Variants in WSCD2 observed in about 807,000 individuals in gnomAD.
WSCD2 encodes the protein sialate:O-sulfotransferase 2.
WSCD2 carries 28 observed loss-of-function variants against 55.7 expected under a neutral mutation model. That is an observed-to-expected ratio of 0.50 (90% CI 0.37 to 0.69). WSCD2 has a LOEUF of 0.69. Ranked by LOEUF, WSCD2 falls within the 30% of genes least tolerant of loss-of-function variation. The pLI, the probability that WSCD2 is intolerant of heterozygous loss-of-function variation, is 0.00. For synonymous variants in WSCD2, 301 were observed against 301.9 expected (o/e 1.00, Z 0.03); for missense variants, 616 against 762.1 (o/e 0.81, Z 2.26).
intron 1 of WSCD2, among the ~76,000 whole-genome samples, chr12:108,144,257 T>C (rs953560262): frequency 2.0e-5 from 3 of 152,308 alleles, no homozygotes; most frequent in Middle Eastern, 3.4e-3. Flanking sequence ...ACCGGCCCAT[T>C]GTTCTACAAA....
In WSCD2 at chr12:108,195,897, T is replaced by C. The variant is rs1883851449; in HGVS notation, c.65T>C (p.Phe22Ser). ...FRRKPVRFFT[F>S]LALYLTAGSL... ...CGGAAACCTGTGCGCTTCTTTACCT[T>C]CCTGGCACTCTACCTGACTGCTGGG... is the stretch of plus-strand genomic sequence containing the variant. Residue 22 changes from phenylalanine (F) to serine (S), a missense_variant, in exon 2 of 9, where the codon TTC becomes TCC. By Grantham distance (155) the Phe-to-Ser change is radical. Coordinates refer to ENST00000547525, the MANE Select transcript of WSCD2 (RefSeq NM_014653.4). The C allele has an allele frequency of 6.2e-7, 1 of 1,613,996 alleles. No homozygotes were observed. Among genetic ancestry groups the C allele is most frequent in the Non-Finnish European group, 8.5e-7 (1 of 1,180,028 alleles).
intron 1 of WSCD2, among the ~76,000 whole-genome samples, chr12:108,193,350 G>T (rs12297864): frequency 0.043 from 6,591 of 152,278 alleles, 492 homozygotes; most frequent in African/African-American, 0.15. Context: ...TGAAAGCAGG[G>T]ACTGTGAATT....
At chr12:108,240,856 A>G (rs1439710136) in intron 8 of WSCD2, among the ~76,000 whole-genome samples, 1 of 152,232 alleles carries the variant, frequency 6.6e-6, no homozygotes, top group Non-Finnish European at 1.5e-5. Context: ...ACCACCTCCC[A>G]TAAGGGCTCA....
intron 2 of WSCD2, among the ~76,000 whole-genome samples, chr12:108,201,352 A>G (rs1884650048): frequency 6.6e-6 from 1 of 152,096 alleles, no homozygotes; most frequent in Non-Finnish European, 1.5e-5. Context: ...GTGTCTTCAT[A>G]TAGCCATCTT....
chr12:108,215,045 G>A (rs777384825), intron 4 of WSCD2, among the ~76,000 whole-genome samples: 1 of 152,222 alleles, frequency 6.6e-6, no homozygotes, highest in Non-Finnish European at 1.5e-5. Context: ...TTCCTTCTTT[G>A]CTAGACCTGG....
intron 3 of WSCD2, among the ~76,000 whole-genome samples, chr12:108,208,110 A>C (rs7973562): frequency 0.54 from 82,552 of 152,020 alleles, 22,605 homozygotes; most frequent in East Asian, 0.6. Context: ...GTTGACTGCC[A>C]GTGGGTGCTG....
intron 5 of WSCD2, 72 bp from the exon 6 acceptor site, chr12:108,226,918 C>A (rs1009649897): frequency 6.7e-7 from 1 of 1,498,510 alleles, no homozygotes; most frequent in Non-Finnish European, 9.0e-7. Flanking sequence ...AAATCCTGTT[C>A]TCCATTTGGA....
intron 4 of WSCD2, among the ~76,000 whole-genome samples, chr12:108,224,363 C>T (rs916864070): frequency 2.0e-5 from 3 of 152,158 alleles, no homozygotes; most frequent in Admixed American, 2.0e-4. Context: ...CTGATGAGAT[C>T]ACAAAAATCC....
intron 4 of WSCD2, among the ~76,000 whole-genome samples, chr12:108,216,270 T>C (rs1261059596): frequency 6.6e-6 from 1 of 152,212 alleles, no homozygotes; most frequent in Non-Finnish European, 1.5e-5. Context: ...GATAATAATA[T>C]TGTTCACCTC....
chr12:108,129,690 G>C lies in WSCD2; in HGVS notation c.-788G>C. On this transcript the variant is annotated 5_prime_UTR_variant, in exon 1 of 9. Transcript: ENST00000547525. ...GCGCACACTATCCCACTTTCCCGCT[G>C]GAGGCGCAGAGGATGCCCCTTGAGC... 6.6e-6 allele frequency: 1 copy of C among 152,302 alleles called. No homozygotes were observed. The highest frequency in any genetic ancestry group is 6.5e-5 in the Admixed American group (1 of 15,290). 9.4% of individuals were successfully genotyped at this position (152,302 alleles called of 1,614,324 possible). A position where few individuals can be genotyped will look rare whatever the true frequency, so the allele number is the denominator to read the frequency against.
chr12:108,153,552 G>A (rs1381504156), intron 1 of WSCD2, among the ~76,000 whole-genome samples: 2 of 152,188 alleles, frequency 1.3e-5, no homozygotes, highest in Non-Finnish European at 2.9e-5. Context: ...ACAAGGGATG[G>A]TGCAGCACCC....
chr12:108,192,620 C>A (rs1170691297), intron 1 of WSCD2, among the ~76,000 whole-genome samples: 1 of 152,200 alleles, frequency 6.6e-6, no homozygotes, highest in Non-Finnish European at 1.5e-5. Flanking sequence ...TGGCTCCTGC[C>A]CACTGCTTGG....
rs776349255 is a variant in WSCD2, at chr12:108,248,148, T to C, written c.1503T>C (p.Ala501=). Residue 501 remains alanine, a synonymous_variant, in exon 9 of 9, where the codon GCT becomes GCC. Coordinates refer to ENST00000547525, the MANE Select transcript of WSCD2 (RefSeq NM_014653.4). This position sits in a 1 kb window ranked among gnomAD's most constrained non-coding sequence, Gnocchi z 4.3. ...LGRMVSLLGV[A]VREDRLLCVE... is the part of the protein sequence containing the mutation. ...GGATGGTCAGCCTGCTGGGCGTGGCTGTCAGGGAGGACCGGCTGCTCTGTG... is the reference window on the plus strand; with the variant it reads ...GGATGGTCAGCCTGCTGGGCGTGGCCGTCAGGGAGGACCGGCTGCTCTGTG... The C allele has an allele frequency of 2.5e-6, 4 of 1,614,224 alleles. No individual in the cohort carries two copies. The South Asian group carries it at 4.4e-5, about 18-fold the overall frequency.
chr12:108,245,643 T>TATCA (rs1593132267), intron 8 of WSCD2, among the ~76,000 whole-genome samples: 1 of 152,216 alleles, frequency 6.6e-6, no homozygotes, highest in East Asian at 1.9e-4. Flanking sequence ...GCACCGTCTC[T>TATCA]ATCACCTGGG....
In WSCD2 at chr12:108,210,055, G is replaced by A; in HGVS notation, c.498-66G>A. 3.7e-6 allele frequency: 6 copies of A among 1,605,246 alleles called. No individual in the cohort carries two copies. Among genetic ancestry groups the A allele is most frequent in the Non-Finnish European group, 5.1e-6 (6 of 1,173,976 alleles). ...GCCCTCCCATCCCCCAGGTCTCCAT[G>A]TTGTGTCTCCCTGCCTCGGGGTCTC... On this transcript the variant is annotated intron_variant, in intron 3 of 8. Transcript: ENST00000547525. The surrounding 1 kb of genome is among the most constrained non-coding windows in gnomAD (Gnocchi z 4.3).
At chr12:108,175,707 G>A (rs912492634) in intron 1 of WSCD2, among the ~76,000 whole-genome samples, 2 of 152,236 alleles carry the variant, frequency 1.3e-5, no homozygotes, top group African/African-American at 2.4e-5. Flanking sequence ...CTGCCTCCAG[G>A]TGAACCTTTC....
At chr12:108,156,782 G>T (rs1878556055) in intron 1 of WSCD2, among the ~76,000 whole-genome samples, 1 of 152,202 alleles carries the variant, frequency 6.6e-6, no homozygotes. Context: ...CTCGCTCCCA[G>T]ATGGATGAAT....
intron 1 of WSCD2, among the ~76,000 whole-genome samples, chr12:108,135,276 A>G (rs918404488): frequency 6.6e-6 from 1 of 152,242 alleles, no homozygotes; most frequent in African/African-American, 2.4e-5. Context: ...CTGAAGATAC[A>G]GAAATGAGAG....
In WSCD2 at chr12:108,195,781, C is replaced by T. The variant is rs572522579; in HGVS notation, c.-52C>T. On this transcript the variant is annotated 5_prime_UTR_variant, in exon 2 of 9. Coordinates refer to ENST00000547525, the MANE Select transcript of WSCD2 (RefSeq NM_014653.4). ...TGGGAAACCAAGCCCCTTCCATCCTCTCCCAAGCACCCCAGCCAAGCCCCA... is the reference window on the plus strand; with the variant it reads ...TGGGAAACCAAGCCCCTTCCATCCTTTCCCAAGCACCCCAGCCAAGCCCCA... The T allele has an allele frequency of 2.1e-5, 32 of 1,548,294 alleles. No individual in the cohort carries two copies. In the African/African-American group the frequency reaches 4.1e-4, roughly 20 times the overall value.
Sources: allele counts gnomAD v4.1 joint callset (sites outside exome capture counted in the v4.1 genomes callset), GRCh38; gene constraint gnomAD v4.1.1; non-coding constraint Gnocchi (gnomAD v3.1); transcripts MANE v1.5; gene names NCBI Gene and HGNC (gene_info 2026-07-23, HGNC 2026-07-21).